VRK2: variants seen among roughly 807,000 people sequenced by gnomAD.
VRK2 encodes the protein serine/threonine-protein kinase VRK2.
In VRK2, 60 loss-of-function variants were observed where a neutral mutation model predicts 57.6. The ratio of observed to expected loss-of-function variants is 1.04; its 90% CI spans 0.85 to 1.29. VRK2 has a LOEUF of 1.29. VRK2 is among the 50% of genes most tolerant of loss of function. VRK2 has a pLI of 0.00. For synonymous variants in VRK2, 231 were observed against 199.2 expected (o/e 1.16, Z -1.35); for missense variants, 705 against 588.1 (o/e 1.20, Z -2.06).
In VRK2 at chr2:58,115,385, A is replaced by G. The variant is rs891523470; in HGVS notation, c.544-7716A>G. ...CTGAAGGAGCTGGGGAGCAGAAAGT[A>G]TATGCGTCAGGTATGAGGAAGAAAA... On this transcript the variant is annotated intron_variant, in intron 7 of 12. Transcript: ENST00000340157. Among the ~76,000 whole-genome samples, 21 of 152,188 alleles carry G rather than the reference A, an allele frequency of 1.4e-4. 2 individuals are homozygous for G. The highest frequency in any genetic ancestry group is 1.3e-3 in the Admixed American group (20 of 15,276).
chr2:57,994,525 A>C (rs1224331000), intron 1 of VRK2, among the ~76,000 whole-genome samples: 1 of 152,200 alleles, frequency 6.6e-6, no homozygotes, highest in Non-Finnish European at 1.5e-5. Flanking sequence ...ATAACAGAAG[A>C]ACAAAAATAC....
rs572988946 is a variant in VRK2, at chr2:58,094,427, G to A, written c.543+4704G>A. Among the ~76,000 whole-genome samples, 6 of 152,220 alleles carry A rather than the reference G, an allele frequency of 3.9e-5. No homozygotes were observed. The East Asian group carries it at 5.8e-4, about 15-fold the overall frequency. On this transcript the variant is annotated intron_variant, in intron 7 of 12. Transcript: ENST00000340157. ...TAGGTATTTTATTCTCTTTGAAGCAGTTGTGAATGGGAGTTCACTCATGAT... is the reference window on the plus strand; with the variant it reads ...TAGGTATTTTATTCTCTTTGAAGCAATTGTGAATGGGAGTTCACTCATGAT...
intron 1 of VRK2, among the ~76,000 whole-genome samples, chr2:58,000,470 T>C (rs1673057076): frequency 6.6e-6 from 1 of 152,230 alleles, no homozygotes; most frequent in African/African-American, 2.4e-5. Context: ...TTTCTTCAGT[T>C]ATAGAAATTC....
intron 3 of VRK2, chr2:58,041,028 CCTT>C (rs1674433301): frequency 4.1e-6 from 4 of 985,196 alleles, no homozygotes; most frequent in Non-Finnish European, 4.8e-6. Flanking sequence ...CTCTTCTCCT[CCTT>C]ATCCAGCTCA....
intron 12 of VRK2, among the ~76,000 whole-genome samples, chr2:58,155,771 G>A (rs894627114): frequency 1.2e-4 from 2 of 16,784 alleles, no homozygotes; most frequent in African/African-American, 4.6e-4. Context: ...CCCCCACCCC[G>A]CCGCCCCGTT....
intron 1 of VRK2, among the ~76,000 whole-genome samples, chr2:57,996,885 T>C (rs548781275): frequency 6.7e-6 from 1 of 149,714 alleles, no homozygotes; most frequent in East Asian, 2.0e-4. Flanking sequence ...TGTTGCACCA[T>C]ATTGTTTTCA....
intron 1 of VRK2, among the ~76,000 whole-genome samples, chr2:58,021,190 TA>T (rs1673745446): frequency 6.6e-6 from 1 of 152,176 alleles, no homozygotes; most frequent in African/African-American, 2.4e-5. Context: ...AATGATTTGC[TA>T]TATAATTACA....
chr2:57,929,361 T>G (rs918698106), intron 1 of VRK2, among the ~76,000 whole-genome samples: 43 of 152,306 alleles, frequency 2.8e-4, no homozygotes, highest in African/African-American at 1.0e-3. Context: ...TGGTGAGTAC[T>G]GCCTAACCAC....
chr2:57,945,476 G>A (rs1424026640), intron 1 of VRK2, among the ~76,000 whole-genome samples: 1 of 152,094 alleles, frequency 6.6e-6, no homozygotes, highest in Non-Finnish European at 1.5e-5. Flanking sequence ...GTTGTTTCCT[G>A]CCAATCAGTT....
intron 7 of VRK2, among the ~76,000 whole-genome samples, chr2:58,113,135 C>A (rs1675821186): frequency 6.6e-6 from 1 of 151,870 alleles, no homozygotes; most frequent in Non-Finnish European, 1.5e-5. Flanking sequence ...ATGGTGAAAC[C>A]CCGTCTCTAC....
intron 10 of VRK2, among the ~76,000 whole-genome samples, chr2:58,135,462 T>C (rs1193911976): frequency 6.6e-6 from 1 of 150,558 alleles, no homozygotes; most frequent in Non-Finnish European, 1.5e-5. Flanking sequence ...TTTTTTAAGA[T>C]CTCTATTTTG....
chr2:57,924,685 T>C (rs995408448), intron 1 of VRK2, among the ~76,000 whole-genome samples: 1 of 152,022 alleles, frequency 6.6e-6, no homozygotes, highest in Non-Finnish European at 1.5e-5. Flanking sequence ...CCCATTTAGA[T>C]GCCCTTTACT....
At chr2:58,118,008 C>G (rs943644690) in intron 7 of VRK2, among the ~76,000 whole-genome samples, 1 of 143,982 alleles carries the variant, frequency 6.9e-6, no homozygotes, top group Admixed American at 6.9e-5. Context: ...GGTTGGGGAG[C>G]GGAAATAAGG....
At chr2:58,054,217 T>C (rs1676177137) in intron 2 of VRK2, among the ~76,000 whole-genome samples, 1 of 152,076 alleles carries the variant, frequency 6.6e-6, no homozygotes, top group Admixed American at 6.5e-5. Flanking sequence ...TTTTTAAATA[T>C]CCATTTTTAA....
At chr2:58,097,818 A>G (rs866747628) in intron 7 of VRK2, among the ~76,000 whole-genome samples, 3 of 151,784 alleles carry the variant, frequency 2.0e-5, no homozygotes, top group Middle Eastern at 3.2e-3. Context: ...TGATAATGAT[A>G]ATAAACAACT....
intron 1 of VRK2, among the ~76,000 whole-genome samples, chr2:57,936,105 T>C (rs1175985014): frequency 3.3e-5 from 5 of 152,182 alleles, no homozygotes; most frequent in Admixed American, 2.6e-4. Context: ...CAGTACCTCA[T>C]CAAATATTTA....
intron 12 of VRK2, chr2:58,147,257 C>T: frequency 4.0e-6 from 2 of 495,820 alleles, no homozygotes; most frequent in Non-Finnish European, 8.1e-6. Context: ...AGTACTTATG[C>T]ATTCTTCAGC....
intron 3 of VRK2, chr2:58,040,929 G>T (rs1229507586): frequency 2.9e-6 from 2 of 680,970 alleles, no homozygotes; most frequent in African/African-American, 3.9e-5. Context: ...ATGACACACA[G>T]GAAAACTATT....
At chr2:58,073,636 T>TTATATA (rs1205697238) in intron 2 of VRK2, among the ~76,000 whole-genome samples, 1 of 116,908 alleles carries the variant, frequency 8.6e-6, no homozygotes, top group East Asian at 2.4e-4. Context: ...ACTAATAGGA[T>TTATATA]TATATATATA....
Sources: allele counts gnomAD v4.1 joint callset (sites outside exome capture counted in the v4.1 genomes callset), GRCh38; gene constraint gnomAD v4.1.1; transcripts MANE v1.5; gene names NCBI Gene and HGNC (gene_info 2026-07-23, HGNC 2026-07-21).